DPH6: variants seen among roughly 807,000 people sequenced by gnomAD.
DPH6 encodes the protein diphthamine biosynthesis 6, also known as diphthine--ammonia ligase.
In DPH6, 33 loss-of-function variants were observed where a neutral mutation model predicts 38.2. That is an observed-to-expected ratio of 0.86 (90% CI 0.65 to 1.15). The LOEUF is 1.15. Ranked by LOEUF, DPH6 falls within the 50% of genes most tolerant of loss-of-function variation. The pLI is 0.00. For synonymous variants in DPH6, 108 were observed against 103.0 expected (o/e 1.05, Z -0.30); for missense variants, 325 against 320.0 (o/e 1.02, Z -0.12).
At chr15:35,329,328 C>T (rs903274902), downstream of DPH6, among the ~76,000 whole-genome samples, 1 of 152,100 alleles carries the variant, frequency 6.6e-6, no homozygotes, top group Admixed American at 6.6e-5. Flanking sequence ...GGAAATAGAG[C>T]TGTGGATGAG....
chr15:35,336,765 T>C (rs559290296), intron 3 of DPH6, among the ~76,000 whole-genome samples: 3 of 152,360 alleles, frequency 2.0e-5, no homozygotes, highest in South Asian at 4.1e-4. Flanking sequence ...TTTGCGTATA[T>C]TGAAACAGCC....
intron 3 of DPH6, among the ~76,000 whole-genome samples, chr15:35,488,900 C>T (rs969821092): frequency 1.3e-5 from 2 of 152,184 alleles, no homozygotes; most frequent in East Asian, 3.9e-4. Context: ...ATTAATACTG[C>T]AAGTTTGTGC....
rs2055201039 is a variant in DPH6, at chr15:35,538,260, G to A, written c.312+14C>T. 2 of 1,458,946 alleles carry A rather than the reference G, an allele frequency of 1.4e-6. No individual in the cohort carries two copies. Among genetic ancestry groups the A allele is most frequent in the Admixed American group, 3.8e-5 (2 of 52,574 alleles). The allele number at this position is 1,458,946 out of a possible 1,614,324, so 90.4% of individuals were successfully genotyped here. A position where few individuals can be genotyped will look rare whatever the true frequency, so the allele number is the denominator to read the frequency against. On this transcript the variant is annotated intron_variant, in intron 3 of 8. Coordinates refer to ENST00000256538, the MANE Select transcript of DPH6 (RefSeq NM_080650.4). Reference sequence around the variant, plus strand: ...ACACTAAATCCAATATACTTAATTGGTTACTCTGCATACCTTAACAAGTTT... The same window carrying A: ...ACACTAAATCCAATATACTTAATTGATTACTCTGCATACCTTAACAAGTTT...
intron 3 of DPH6, among the ~76,000 whole-genome samples, chr15:35,267,444 C>CT (rs910697194): frequency 1.3e-5 from 2 of 152,178 alleles, no homozygotes; most frequent in African/African-American, 4.8e-5. Context: ...AAGGGATACA[C>CT]TTTTTTCAAG....
At chr15:35,522,345 G>C in intron 3 of DPH6, 1 of 1,506,144 alleles carries the variant, frequency 6.6e-7, no homozygotes, top group Non-Finnish European at 9.0e-7. Context: ...AAGCCCTGAG[G>C]CTGGATTACC....
the DPH6 span, among the ~76,000 whole-genome samples, chr15:35,209,745 TTTTC>T: frequency 2.0e-5 from 3 of 152,214 alleles, no homozygotes; most frequent in African/African-American, 7.2e-5. Flanking sequence ...TATCAAGTAA[TTTTC>T]TTTCTCAATT....
intron 5 of DPH6, among the ~76,000 whole-genome samples, chr15:35,416,177 A>G (rs2053433753): frequency 6.6e-6 from 1 of 152,006 alleles, no homozygotes; most frequent in Admixed American, 6.6e-5. Flanking sequence ...AGTGTTAGAG[A>G]GTTTACAAAT....
At chr15:35,219,653 G>C (rs1252464289) in exon 4 of DPH6, 1 of 152,086 alleles carries the variant, frequency 6.6e-6, no homozygotes, top group Admixed American at 6.6e-5. Context: ...ATGTTGCAGT[G>C]AGTAATAAAA....
intron 3 of DPH6, among the ~76,000 whole-genome samples, chr15:35,455,935 C>T (rs974204619): frequency 1.3e-5 from 2 of 152,004 alleles, no homozygotes; most frequent in Non-Finnish European, 2.9e-5. Flanking sequence ...CTGAAATAAC[C>T]CTGTGTACCT....
chr15:35,285,528 C>T (rs2051935138), intron 3 of DPH6, among the ~76,000 whole-genome samples: 1 of 152,156 alleles, frequency 6.6e-6, no homozygotes. Flanking sequence ...ATTGTGAGGC[C>T]TCCCCAGTTA....
the DPH6 span, among the ~76,000 whole-genome samples, chr15:35,177,268 GT>G: frequency 1.3e-4 from 19 of 151,820 alleles, no homozygotes; most frequent in African/African-American, 4.6e-4. Context: ...CTGTAACCAA[GT>G]TTTAAAAAAA....
At chr15:35,240,422 CT>C (rs1051200240) in intron 3 of DPH6, among the ~76,000 whole-genome samples, 1 of 142,272 alleles carries the variant, frequency 7.0e-6, no homozygotes, top group African/African-American at 2.5e-5. Context: ...TCTAATCTTC[CT>C]TTTCTACAGA....
At chr15:35,178,866 C>T in the DPH6 span, among the ~76,000 whole-genome samples, 3 of 151,912 alleles carry the variant, frequency 2.0e-5, no homozygotes, top group Admixed American at 1.3e-4. Context: ...TATTTTTGTA[C>T]CCCAACCAGC....
the DPH6 span, among the ~76,000 whole-genome samples, chr15:35,154,073 C>T: frequency 2.6e-5 from 4 of 152,030 alleles, no homozygotes; most frequent in Non-Finnish European, 5.9e-5. Context: ...AAATATTTGT[C>T]GAAAGTTACA....
chr15:35,513,877 T>C (rs1436877798), intron 3 of DPH6, among the ~76,000 whole-genome samples: 1 of 152,050 alleles, frequency 6.6e-6, no homozygotes, highest in Non-Finnish European at 1.5e-5. Context: ...TTTTAGCTAT[T>C]ATGTTAATAA....
At chr15:35,213,164 T>C (rs1371355993), downstream of DPH6, among the ~76,000 whole-genome samples, 1 of 152,180 alleles carries the variant, frequency 6.6e-6, no homozygotes, top group East Asian at 1.9e-4. Flanking sequence ...TTCCTGTAAT[T>C]ACATGATTCT....
At chr15:35,275,252 G>A (rs1440728201) in intron 3 of DPH6, among the ~76,000 whole-genome samples, 8 of 152,126 alleles carry the variant, frequency 5.3e-5, no homozygotes, top group African/African-American at 1.7e-4. Context: ...ACATGCACAT[G>A]TATGTTTATT....
intron 3 of DPH6, among the ~76,000 whole-genome samples, chr15:35,485,584 TCCA>T (rs1264689940): frequency 6.6e-6 from 1 of 152,208 alleles, no homozygotes; most frequent in East Asian, 1.9e-4. Flanking sequence ...CCATTGTTCT[TCCA>T]CCAAATCACA....
intron 3 of DPH6, among the ~76,000 whole-genome samples, chr15:35,224,763 C>G (rs746677595): frequency 5.3e-5 from 8 of 152,088 alleles, no homozygotes; most frequent in Non-Finnish European, 1.2e-4. Flanking sequence ...TTTTGCTGTT[C>G]TAATAGGTGT....
Sources: allele counts gnomAD v4.1 joint callset (sites outside exome capture counted in the v4.1 genomes callset), GRCh38; gene constraint gnomAD v4.1.1; transcripts MANE v1.5; gene names NCBI Gene and HGNC (gene_info 2026-07-23, HGNC 2026-07-21).